The following BRAT1 variants were observed in gnomAD, a reference collection of about 807,000 sequenced individuals.
BRAT1 encodes the protein BRCA1 associated ATM activator 1, also known as integrator complex assembly factor BRAT1.
BRAT1 carries 74 observed loss-of-function variants against 70.6 expected under a neutral mutation model. That is an observed-to-expected ratio of 1.05 (90% CI 0.87 to 1.27). BRAT1 has a LOEUF of 1.27. BRAT1 is among the 50% of genes most tolerant of loss of function. The pLI is 0.00. For missense variants in BRAT1, 1,203 were observed against 1,098.2 expected, an observed-to-expected ratio of 1.10 and a Z score of -1.35; for synonymous variants, 615 against 517.1, an observed-to-expected ratio of 1.19 and a Z score of -2.57.
At position 2,539,863 on chromosome 7, in the gene BRAT1, G is replaced by A. The variant is rs148923187; in HGVS notation, c.1421C>T (p.Thr474Met). The A allele has an allele frequency of 5.8e-5, 92 of 1,589,544 alleles. No individual in the cohort carries two copies. The African/African-American group carries it at 9.6e-4, about 17-fold the overall frequency. Residue 474 changes from threonine (T) to methionine (M), a missense_variant, in exon 11 of 14, where the codon ACG (threonine) becomes ATG (methionine). Thr to Met is a moderately conservative substitution (Grantham distance 81). Transcript: ENST00000340611. The part of the protein sequence containing the change: ...PTVLKKAFQA[T>M]LRWLLSSPKT... Reference sequence around the variant, plus strand: ...GGGTGAGCTCAGGAGCCACCTGAGCGTGGCCTGGAAGGCCTTCTTCAGAAC... The same window carrying A: ...GGGTGAGCTCAGGAGCCACCTGAGCATGGCCTGGAAGGCCTTCTTCAGAAC...
chr7:2,540,869 T>C lies in BRAT1; in HGVS notation c.1395+110A>G, dbSNP rs1048743139. 1.9e-5 allele frequency: 22 copies of C among 1,138,188 alleles called. No individual in the cohort carries two copies. The Middle Eastern group carries it at 6.4e-4, about 33-fold the overall frequency. 70.5% of individuals were successfully genotyped at this position (1,138,188 alleles called of 1,614,324 possible). On this transcript the variant is annotated intron_variant, in intron 10 of 13. Transcript: ENST00000340611. ...TCTCTGAGCAGCAGCTCTGTGGCCCTGTGTGAAGGCCCCATCCGCAGAGGC... is the reference window on the plus strand; with the variant it reads ...TCTCTGAGCAGCAGCTCTGTGGCCCCGTGTGAAGGCCCCATCCGCAGAGGC...
At chr7:2,553,740 C>G (rs1041857182) in intron 2 of BRAT1, among the ~76,000 whole-genome samples, 3 of 151,742 alleles carry the variant, frequency 2.0e-5, no homozygotes, top group Middle Eastern at 6.8e-3. Context: ...ACCTCCCGGA[C>G]TCAAAGGATC....
At chr7:2,548,601 G>A (rs1779780506) in intron 2 of BRAT1, among the ~76,000 whole-genome samples, 1 of 151,826 alleles carries the variant, frequency 6.6e-6, no homozygotes, top group African/African-American at 2.4e-5. Flanking sequence ...AGGAGTTCGA[G>A]GCTGCAGCAA....
In BRAT1 at chr7:2,538,199, A is replaced by G. The variant is rs1270763786; in HGVS notation, c.2336T>C (p.Leu779Pro). Reference protein sequence around the residue: ...PEAVLAMLRSLDLEGLRSTLA... With the variant: ...PEAVLAMLRSPDLEGLRSTLA... ...CGTGCTCCGCAGGCCCTCCAGGTCT[A>G]GGGACCTGAGCATGGCCAGCACAGC... The change falls in exon 14 of 14, where the codon CTA becomes CCA. Residue 779 changes from leucine (L) to proline (P), a missense_variant. By Grantham distance (98) the Leu-to-Pro change is moderately conservative. Transcript: ENST00000340611. 6.2e-7 allele frequency: 1 copy of G among 1,609,832 alleles called. No individual in the cohort carries two copies. Among genetic ancestry groups the G allele is most frequent in the South Asian group, 1.1e-5 (1 of 91,016 alleles).
At chr7:2,552,434 G>A (rs1188991202) in intron 2 of BRAT1, among the ~76,000 whole-genome samples, 1 of 150,264 alleles carries the variant, frequency 6.7e-6, no homozygotes, top group Non-Finnish European at 1.5e-5. Context: ...ATATATATTA[G>A]AAAACAAGGA....
intron 12 of BRAT1, 29 bp downstream of exon 12, chr7:2,539,515 A>G: frequency 6.5e-7 from 1 of 1,529,724 alleles, no homozygotes. Flanking sequence ...CAGGCGGGGA[A>G]GGCAGCCCCT....
In BRAT1 at chr7:2,550,485, A is replaced by C. The variant is rs200178327; in HGVS notation, c.128-3007T>G. ...TCCATCTCAAAAAAAAAAAAACAAA[A>C]AAAAAAAAAGAAAGAAAAGAAAAAG... On this transcript the variant is annotated intron_variant, in intron 2 of 13. Coordinates refer to ENST00000340611, the MANE Select transcript of BRAT1 (RefSeq NM_152743.4). Among the ~76,000 whole-genome samples the C allele has an allele frequency of 7.6e-5, 11 of 145,486 alleles. No homozygotes were observed. In the East Asian group the frequency reaches 1.5e-3, roughly 19 times the overall value.
chr7:2,546,222 CTTGAGACCAGGAGT>C (rs1225708209), intron 3 of BRAT1, among the ~76,000 whole-genome samples: 2 of 152,132 alleles, frequency 1.3e-5, no homozygotes, highest in Non-Finnish European at 1.5e-5. Context: ...AGGATGATCG[CTTGAGACCAGGAGT>C]TTGAGACCAG....
Position 2,543,496 on chromosome 7 carries a change from G to T in BRAT1, c.803+94C>A. On this transcript the variant is annotated intron_variant, in intron 5 of 13. Transcript: ENST00000340611. The surrounding 1 kb of genome is among the most constrained non-coding windows in gnomAD (Gnocchi z 5.5). ...CGCTTCACTGCAGGCCATGTCCTCA[G>T]AGAGTCTCCGGCTGCCAGTGGGACA... The T allele has an allele frequency of 6.7e-7, 1 of 1,484,860 alleles. No individual in the cohort carries two copies. Among genetic ancestry groups the T allele is most frequent in the Non-Finnish European group, 8.9e-7 (1 of 1,120,768 alleles). 92.0% of individuals were successfully genotyped at this position (1,484,860 alleles called of 1,614,324 possible).
chr7:2,538,726 G>C lies in BRAT1; in HGVS notation c.1809C>G (p.Asp603Glu), dbSNP rs751334257. The C allele has an allele frequency of 1.9e-6, 3 of 1,598,344 alleles. No individual in the cohort carries two copies. The South Asian group carries it at 3.3e-5, about 18-fold the overall frequency. The change falls in exon 14 of 14, where the codon GAC becomes GAG. Residue 603 changes from aspartate to glutamate, a missense_variant. Transcript: ENST00000340611. ...CCGCCCGCCGTGGGAAGCCCTCCGA[G>C]TCTACGGAGAGGATGTGCAGGAGCT... ...FLELLHILSV[D>E]SEGFPRRAVM...
Position 2,543,977 on chromosome 7 carries a change from G to T in BRAT1, c.431-15C>A. ...GTCGACCGCACCTGGGTAGGGGATGGGGGAAGAGAGGGAAAAGGGGGTGAG... is the reference window on the plus strand; with the variant it reads ...GTCGACCGCACCTGGGTAGGGGATGTGGGAAGAGAGGGAAAAGGGGGTGAG... On this transcript the variant is annotated splice_polypyrimidine_tract_variant and intron_variant, in intron 4 of 13. Coordinates refer to ENST00000340611, the MANE Select transcript of BRAT1 (RefSeq NM_152743.4). The surrounding 1 kb of genome is among the most constrained non-coding windows in gnomAD (Gnocchi z 5.5). 6.5e-7 allele frequency: 1 copy of T among 1,541,576 alleles called. No homozygotes were observed. The highest frequency in any genetic ancestry group is 8.8e-7 in the Non-Finnish European group (1 of 1,137,754).
At chr7:2,541,930 A>C (rs1779204294) in intron 7 of BRAT1, 94 bp from the exon 8 acceptor site, 4 of 1,392,318 alleles carry the variant, frequency 2.9e-6, no homozygotes, top group Non-Finnish European at 4.0e-6. Context: ...AGCACAGGCC[A>C]GGACCTAGGT....
At chr7:2,547,220 C>G in intron 3 of BRAT1, 104 bp downstream of exon 3, 3 of 1,451,676 alleles carry the variant, frequency 2.1e-6, no homozygotes, top group South Asian at 2.5e-5. Context: ...GGGCAGGCCG[C>G]TGGGACTTGG....
At position 2,548,153 on chromosome 7, in the gene BRAT1, T is replaced by C. The variant is rs556219228; in HGVS notation, c.128-675A>G. Among the ~76,000 whole-genome samples, 12 of 151,770 alleles carry C rather than the reference T, an allele frequency of 7.9e-5. No homozygotes were observed. In the South Asian group the frequency reaches 2.5e-3, roughly 32 times the overall value. On this transcript the variant is annotated intron_variant, in intron 2 of 13. Coordinates refer to ENST00000340611, the MANE Select transcript of BRAT1 (RefSeq NM_152743.4). ...TCACCTTCCAAATGGGTACTTTTCC[T>C]TAGACAGTGCTCCATGCAAGCAGGT...
At chr7:2,553,523 AT>A (rs35394843) in intron 2 of BRAT1, among the ~76,000 whole-genome samples, 5 of 151,616 alleles carry the variant, frequency 3.3e-5, no homozygotes, top group Middle Eastern at 3.4e-3. Context: ...GTATGACCTC[AT>A]TTTTTTTTCC....
In BRAT1 at chr7:2,538,500, G is replaced by A. The variant is rs761345692; in HGVS notation, c.2035C>T (p.Leu679=). The change falls in exon 14 of 14, where the codon CTA becomes TTA. Residue 679 remains leucine (L), a synonymous_variant. Transcript: ENST00000340611. Reference sequence around the variant, plus strand: ...GGCTGGGCTGGGGCCACCTCGGGTAGGGCCACGGCATAGGGGCAGTGGGTA... The same window carrying A: ...GGCTGGGCTGGGGCCACCTCGGGTAAGGCCACGGCATAGGGGCAGTGGGTA... ...PRTHCPYAVA[L]PEVAPAQPLT... 24 of 1,610,960 alleles carry A rather than the reference G, an allele frequency of 1.5e-5. No individual in the cohort carries two copies. Among genetic ancestry groups the A allele is most frequent in the Non-Finnish European group, 1.9e-5 (23 of 1,179,826 alleles).
At chr7:2,550,467 C>CAAAAAAAAAAAAAAAA (rs71550358) in intron 2 of BRAT1, among the ~76,000 whole-genome samples, 1 of 32,670 alleles carries the variant, frequency 3.1e-5, no homozygotes, top group Non-Finnish European at 5.7e-5. Context: ...GACTCCATCT[C>CAAAAAAAAAAAAAAAA]AAAAAAAAAA....
chr7:2,539,725 C>A, intron 11 of BRAT1, 61 bp downstream of exon 11: 1 of 1,555,522 alleles, frequency 6.4e-7, no homozygotes, highest in Non-Finnish European at 8.7e-7. Flanking sequence ...TTCCACCCAG[C>A]CCCTGCTGCC....
Position 2,543,815 on chromosome 7 carries a change from G to A in BRAT1, c.578C>T (p.Ala193Val), listed in dbSNP as rs144841598. The A allele has an allele frequency of 8.9e-5, 143 of 1,612,800 alleles. No individual in the cohort carries two copies. In the South Asian group the frequency reaches 9.2e-4, roughly 10 times the overall value. ...GTGATCCATGATCTTCTGGGCACACGCGGGCCAGTCACCCCCCGGCAGGCA... is the reference window on the plus strand; with the variant it reads ...GTGATCCATGATCTTCTGGGCACACACGGGCCAGTCACCCCCCGGCAGGCA... Reference protein sequence around the residue: ...QPCLPGGDWPACAQKIMDHVE... With the variant: ...QPCLPGGDWPVCAQKIMDHVE... The change falls in exon 5 of 14, where the codon GCG becomes GTG. Residue 193 changes from alanine to valine, a missense_variant. Ala to Val is a moderately conservative substitution (Grantham distance 64). Transcript: ENST00000340611. The surrounding 1 kb of genome is among the most constrained non-coding windows in gnomAD (Gnocchi z 5.5).
Sources: allele counts gnomAD v4.1 joint callset (sites outside exome capture counted in the v4.1 genomes callset), GRCh38; gene constraint gnomAD v4.1.1; non-coding constraint Gnocchi (gnomAD v3.1); transcripts MANE v1.5; gene names NCBI Gene and HGNC (gene_info 2026-07-23, HGNC 2026-07-21).